Variants in TIAM2 observed in about 807,000 individuals in gnomAD.
The protein encoded by TIAM2 is TIAM Rac1 associated GEF 2.
A neutral mutation model predicts 152.9 loss-of-function variants in TIAM2; 80 were observed. The ratio of observed to expected loss-of-function variants is 0.52; its 90% CI spans 0.44 to 0.63. The LOEUF is 0.63. Among genes scored for constraint, TIAM2 ranks in the 30% least tolerant of loss-of-function variants. The probability of loss-of-function intolerance (pLI) is 0.00; values close to 1 mark genes in which losing one functional copy is unlikely to be tolerated. For synonymous variants in TIAM2, 804 were observed against 838.0 expected, an observed-to-expected ratio of 0.96 and a Z score of 0.70; for missense variants, 1,965 against 2,120.1, an observed-to-expected ratio of 0.93 and a Z score of 1.44.
At chr6:155,172,884 T>G (rs1484472099) in intron 9 of TIAM2, among the ~76,000 whole-genome samples, 1 of 151,176 alleles carries the variant, frequency 6.6e-6, no homozygotes, top group Non-Finnish European at 1.5e-5. Context: ...TTAATGCTTA[T>G]TTTTAGGATT....
At chr6:155,170,654 T>A (rs1008812349) in intron 9 of TIAM2, among the ~76,000 whole-genome samples, 1 of 151,978 alleles carries the variant, frequency 6.6e-6, no homozygotes, top group Non-Finnish European at 1.5e-5. Flanking sequence ...ATTAACAGAG[T>A]TTATGTTGGA....
rs372652101 is a variant in TIAM2 at position 155,015,510 on chromosome 6, G to C, written c.-209+20018G>C. Among the ~76,000 whole-genome samples the C allele has an allele frequency of 1.8e-4, 27 of 152,264 alleles. 1 individual carries two copies. Among genetic ancestry groups the C allele is most frequent in the South Asian group, 1.7e-3 (8 of 4,822 alleles). Reference sequence around the variant, plus strand: ...GTGCAAAGAGAGGCAAAAAAGACAGGCAAGAGCCTTGTTTTCTGCTTAAAT... The same window carrying C: ...GTGCAAAGAGAGGCAAAAAAGACAGCCAAGAGCCTTGTTTTCTGCTTAAAT... On this transcript the variant is annotated intron_variant, in intron 1 of 26. Transcript: ENST00000682666.
chr6:155,085,355 G>A (rs2114972407), intron 1 of TIAM2, among the ~76,000 whole-genome samples: 1 of 152,244 alleles, frequency 6.6e-6, no homozygotes, highest in Non-Finnish European at 1.5e-5. Context: ...CATGTTTGAA[G>A]GGCACAGGGT....
intron 2 of TIAM2, among the ~76,000 whole-genome samples, chr6:155,096,841 G>A (rs1778427306): frequency 6.6e-6 from 1 of 152,118 alleles, no homozygotes; most frequent in Admixed American, 6.5e-5. Flanking sequence ...TGATATATTG[G>A]TTTTCTTTCT....
chr6:155,108,319 T>C (rs1228905508), intron 2 of TIAM2, among the ~76,000 whole-genome samples: 1 of 152,148 alleles, frequency 6.6e-6, no homozygotes, highest in African/African-American at 2.4e-5. Flanking sequence ...TTACAGTTCA[T>C]AGAAAGATTG....
chr6:155,056,544 A>T (rs1157714731), intron 1 of TIAM2, among the ~76,000 whole-genome samples: 1 of 151,984 alleles, frequency 6.6e-6, no homozygotes, highest in Non-Finnish European at 1.5e-5. Context: ...TCTGTATCCG[A>T]GTCTTGCTCT....
At chr6:155,091,674 CTTTG>C (rs896486708) in intron 2 of TIAM2, among the ~76,000 whole-genome samples, 47 of 152,128 alleles carry the variant, frequency 3.1e-4, no homozygotes, top group Middle Eastern at 6.9e-3. Context: ...TTTTGGTAAG[CTTTG>C]TTTGTGTTGA....
chr6:155,016,792 C>T (rs1011365101), intron 1 of TIAM2, among the ~76,000 whole-genome samples: 21 of 151,998 alleles, frequency 1.4e-4, no homozygotes, highest in Non-Finnish European at 2.1e-4. Flanking sequence ...CCCAGCTACT[C>T]GGGAAGCTGA....
chr6:155,098,681 A>C (rs375545588), intron 2 of TIAM2, among the ~76,000 whole-genome samples: 4 of 152,280 alleles, frequency 2.6e-5, no homozygotes, highest in South Asian at 4.1e-4. Flanking sequence ...GATGCTTTTT[A>C]TTTCTTTCTC....
At chr6:155,131,627 T>A (rs1459836342) in intron 4 of TIAM2, among the ~76,000 whole-genome samples, 2 of 151,916 alleles carry the variant, frequency 1.3e-5, no homozygotes, top group South Asian at 4.2e-4. Flanking sequence ...TTGTACAGGC[T>A]GGAGTACAGT....
intron 2 of TIAM2, among the ~76,000 whole-genome samples, chr6:155,115,103 C>T (rs1276974200): frequency 6.8e-6 from 1 of 147,134 alleles, no homozygotes; most frequent in Admixed American, 6.9e-5. Context: ...GCTGGGATTA[C>T]AGGCGTGAGC....
intron 21 of TIAM2, chr6:155,250,600 C>A: frequency 5.9e-6 from 9 of 1,536,016 alleles, no homozygotes; most frequent in Non-Finnish European, 7.8e-6. Context: ...TTACAAAAGG[C>A]ACTCTGGAAG....
intron 13 of TIAM2, 75 bp downstream of exon 13, chr6:155,182,393 C>A: frequency 1.6e-6 from 2 of 1,263,998 alleles, no homozygotes; most frequent in Non-Finnish European, 2.3e-6. Context: ...GTGAATGTTT[C>A]TTCTTACAGT....
intron 4 of TIAM2, among the ~76,000 whole-genome samples, chr6:155,131,346 TAAA>T (rs369453097): frequency 7.1e-6 from 1 of 139,904 alleles, no homozygotes. Flanking sequence ...ACTCTGTCTT[TAAA>T]AAAAAAAAAA....
chr6:155,180,888 C>A (rs193076486), intron 12 of TIAM2, among the ~76,000 whole-genome samples: 438 of 152,296 alleles, frequency 2.9e-3, no homozygotes, highest in African/African-American at 0.01. Context: ...GGATTACAGG[C>A]ATGAGCCACT....
At chr6:155,184,187 G>C (rs6904741) in intron 14 of TIAM2, among the ~76,000 whole-genome samples, 109,927 of 151,878 alleles carry the variant, frequency 0.72, 40,196 homozygotes, top group African/African-American at 0.83. Flanking sequence ...TGGGGTTTCA[G>C]CATGTTGCCC....
At chr6:155,183,807 A>G (rs2115146838) in intron 14 of TIAM2, among the ~76,000 whole-genome samples, 1 of 152,320 alleles carries the variant, frequency 6.6e-6, no homozygotes, top group Admixed American at 6.5e-5. Context: ...CTGAAGGCAG[A>G]TGAAAGCCTG....
intron 5 of TIAM2, among the ~76,000 whole-genome samples, chr6:155,140,585 AGAGAGAGAGAG>A (rs1562329651): frequency 6.9e-6 from 1 of 144,150 alleles, no homozygotes; most frequent in African/African-American, 2.8e-5. Context: ...AGAGAGAGAG[AGAGAGAGAGAG>A]AGAGAGAGAG....
chr6:155,160,039 A>T lies in TIAM2; in HGVS notation c.2029-4376A>T, dbSNP rs1429473423. Among the ~76,000 whole-genome samples the T allele has an allele frequency of 2.0e-5, 3 of 152,084 alleles. No homozygotes were observed. In the East Asian group the frequency reaches 5.8e-4, roughly 29 times the overall value. On this transcript the variant is annotated intron_variant, in intron 7 of 26. Transcript: ENST00000682666. ...TGTTTGTGTAGGGAGAGAATGAGAG[A>T]AATTTATTATAAGAAATAGGCTCAT...
Sources: gnomAD v4.1 joint callset for allele counts (sites outside exome capture counted in the v4.1 genomes callset) on GRCh38, gnomAD v4.1.1 for gene constraint, MANE v1.5 for transcripts, NCBI Gene and HGNC (gene_info 2026-07-23, HGNC 2026-07-21) for gene names.